Variants in TRPC6 observed in about 807,000 individuals in gnomAD.
The protein encoded by TRPC6 is short transient receptor potential channel 6.
Under a neutral mutation model 90.7 loss-of-function variants are expected in TRPC6, and 55 were observed. That is an observed-to-expected ratio of 0.61 (90% confidence interval 0.49 to 0.76). The LOEUF (loss-of-function observed/expected upper bound fraction) is 0.76. TRPC6 is among the 30% of genes least tolerant of loss of function. The probability of loss-of-function intolerance (pLI) is 0.00; values close to 1 mark genes in which losing one functional copy is unlikely to be tolerated. For synonymous variants in TRPC6, 393 were observed against 393.0 expected, an observed-to-expected ratio of 1.00 and a Z score of 0.00; for missense variants, 989 against 1,122.7, an observed-to-expected ratio of 0.88 and a Z score of 1.70.
At chr11:101,575,938 G>A (rs938798205) in intron 1 of TRPC6, among the ~76,000 whole-genome samples, 2 of 152,100 alleles carry the variant, frequency 1.3e-5, no homozygotes, top group African/African-American at 4.8e-5. Context: ...GGGTGAGTGC[G>A]CTTTTGAAGA....
rs185008221 is a variant in TRPC6, at chr11:101,551,869, C to T, written c.170+31465G>A. 6.6e-4 allele frequency among the ~76,000 whole-genome samples: 100 copies of T among 152,192 alleles called. 1 individual carries two copies. The highest frequency in any genetic ancestry group is 1.2e-3 in the Non-Finnish European group (84 of 67,986). ...TTGCTCATTACAAAAGATTTAGGTT[C>T]TCTAAGCTCAGAGATCCTTTCTGTA... On this transcript the variant is annotated intron_variant, in intron 1 of 12. Coordinates refer to ENST00000344327, the MANE Select transcript of TRPC6 (RefSeq NM_004621.6).
chr11:101,571,164 C>G (rs1861955319), intron 1 of TRPC6, among the ~76,000 whole-genome samples: 1 of 152,212 alleles, frequency 6.6e-6, no homozygotes, highest in Non-Finnish European at 1.5e-5. Context: ...TAAGCAACTT[C>G]AGCAAAGTCT....
At chr11:101,541,872 C>T (rs1012410505) in intron 1 of TRPC6, among the ~76,000 whole-genome samples, 2 of 152,192 alleles carry the variant, frequency 1.3e-5, no homozygotes, top group Admixed American at 1.3e-4. Flanking sequence ...AAGAGGCTTA[C>T]AGGGAGGACT....
intron 1 of TRPC6, among the ~76,000 whole-genome samples, chr11:101,558,198 TGTGTG>T (rs1861606353): frequency 8.6e-6 from 1 of 115,804 alleles, no homozygotes; most frequent in Non-Finnish European, 1.7e-5. Flanking sequence ...TACATATATA[TGTGTG>T]TGTATACATG....
At chr11:101,561,697 C>T (rs1861717938) in intron 1 of TRPC6, among the ~76,000 whole-genome samples, 1 of 151,784 alleles carries the variant, frequency 6.6e-6, no homozygotes, top group African/African-American at 2.4e-5. Context: ...TATCAGAGTT[C>T]CAGGGCTAAA....
At chr11:101,472,819 AGCC>A (rs1859323517) in intron 7 of TRPC6, among the ~76,000 whole-genome samples, 2 of 152,198 alleles carry the variant, frequency 1.3e-5, no homozygotes, top group Non-Finnish European at 2.9e-5. Flanking sequence ...ACCAAAGCTA[AGCC>A]AGTTTGCTTA....
At chr11:101,485,875 A>C (rs7934021) in intron 4 of TRPC6, among the ~76,000 whole-genome samples, 54,674 of 151,890 alleles carry the variant, frequency 0.36, 11,369 homozygotes, top group African/African-American at 0.57. Context: ...GTCCTGAACA[A>C]CTCTAAAGTC....
chr11:101,528,218 AAGTC>A (rs1860827039), intron 1 of TRPC6, among the ~76,000 whole-genome samples: 1 of 152,208 alleles, frequency 6.6e-6, no homozygotes, highest in African/African-American at 2.4e-5. Context: ...GGAAAGGTAA[AAGTC>A]AGATTAGTGG....
intron 1 of TRPC6, among the ~76,000 whole-genome samples, chr11:101,549,489 G>A (rs1045176590): frequency 2.0e-5 from 3 of 151,486 alleles, no homozygotes; most frequent in African/African-American, 7.3e-5. Flanking sequence ...TCTTATACTG[G>A]TAGTTACCAA....
intron 1 of TRPC6, among the ~76,000 whole-genome samples, chr11:101,542,887 G>A (rs192404690): frequency 6.6e-6 from 1 of 151,992 alleles, no homozygotes; most frequent in East Asian, 1.9e-4. Context: ...ATTAGCAAAG[G>A]TTTCATAGAT....
chr11:101,578,444 C>T (rs1258630637), intron 1 of TRPC6, among the ~76,000 whole-genome samples: 1 of 152,080 alleles, frequency 6.6e-6, no homozygotes, highest in Non-Finnish European at 1.5e-5. Context: ...GAAAAGAAAA[C>T]AATATGTGGG....
intron 5 of TRPC6, among the ~76,000 whole-genome samples, chr11:101,477,524 C>CT (rs2136680762): frequency 6.6e-6 from 1 of 152,068 alleles, no homozygotes; most frequent in East Asian, 1.9e-4. Flanking sequence ...TAGTAGTTGT[C>CT]TTTTTCTGGT....
At chr11:101,510,154 T>C (rs1393089666) in intron 1 of TRPC6, among the ~76,000 whole-genome samples, 3 of 152,134 alleles carry the variant, frequency 2.0e-5, no homozygotes, top group Admixed American at 2.0e-4. Flanking sequence ...AAGATTCTAC[T>C]TGTATTTTTA....
chr11:101,581,751 C>T (rs1862201006), intron 1 of TRPC6, among the ~76,000 whole-genome samples: 1 of 152,086 alleles, frequency 6.6e-6, no homozygotes, highest in East Asian at 1.9e-4. Flanking sequence ...TGTCATATAT[C>T]ACCTTGCTAT....
intron 1 of TRPC6, among the ~76,000 whole-genome samples, chr11:101,559,256 C>T (rs1429298237): frequency 6.6e-6 from 1 of 151,742 alleles, no homozygotes; most frequent in Non-Finnish European, 1.5e-5. Context: ...TTTAAATGTT[C>T]AACATCACTA....
At chr11:101,573,140 G>T (rs1432424811) in intron 1 of TRPC6, among the ~76,000 whole-genome samples, 1 of 152,018 alleles carries the variant, frequency 6.6e-6, no homozygotes, top group Non-Finnish European at 1.5e-5. Flanking sequence ...GTCCATAGAG[G>T]AAAGAATTGT....
rs770102149 is a variant in TRPC6, at chr11:101,473,580, C to T, written c.1938G>A (p.Val646=). 10 of 1,613,512 alleles carry T rather than the reference C, an allele frequency of 6.2e-6. No individual in the cohort carries two copies. The highest frequency in any genetic ancestry group is 8.5e-6 in the Non-Finnish European group (10 of 1,179,782). Residue 646 remains valine (V), a synonymous_variant, in exon 7 of 13, where the codon GTG becomes GTA. Transcript: ENST00000344327. ...GATTGAACATTCCAATCATAAAGGC[C>T]ACAAACACCATAATGAATATGACCA... The part of the protein sequence containing the change: ...KFMVIFIMVF[V]AFMIGMFNLY...
rs149263696 is a variant in TRPC6 at position 101,583,374 on chromosome 11, G to C, written c.130C>G (p.Pro44Ala). 1 of 1,594,158 alleles carries C rather than the reference G, an allele frequency of 6.3e-7. No individual in the cohort carries two copies. The highest frequency in any genetic ancestry group is 8.5e-7 in the Non-Finnish European group (1 of 1,170,718). ...MDSELGEDGC[P>A]QAPLPCYGYY... ...CCGTAGCAAGGCAGCGGGGCTTGCG[G>C]GCAGCCGTCTTCTCCCAGCTCCGAG... The change falls in exon 1 of 13, where the codon CCG becomes GCG. Residue 44 changes from proline (P) to alanine (A), a missense_variant. Pro to Ala is a conservative substitution (Grantham distance 27). Around this residue, in one of 4 missense-constraint regions of TRPC6, gnomAD observed 194 missense variants for 136.5 expected, o/e 1.42. Coordinates refer to ENST00000344327, the MANE Select transcript of TRPC6 (RefSeq NM_004621.6).
At chr11:101,572,394 C>T (rs1440501826) in intron 1 of TRPC6, among the ~76,000 whole-genome samples, 1 of 152,160 alleles carries the variant, frequency 6.6e-6, no homozygotes, top group Non-Finnish European at 1.5e-5. Context: ...AATAGGAACA[C>T]TTTTACACTG....
Sources: allele counts gnomAD v4.1 joint callset (sites outside exome capture counted in the v4.1 genomes callset), GRCh38; gene constraint gnomAD v4.1.1; regional missense constraint gnomAD v4.1.1; transcripts MANE v1.5; gene names NCBI Gene and HGNC (gene_info 2026-07-23, HGNC 2026-07-21).